Variants in ZFAND3 observed in about 807,000 individuals in gnomAD.
ZFAND3 encodes AN1-type zinc finger protein 3.
In ZFAND3, 10 loss-of-function variants were observed where a neutral mutation model predicts 29.6. The observed-to-expected ratio is 0.34, with a 90% CI of 0.21 to 0.57. ZFAND3 has a LOEUF of 0.57. ZFAND3 is among the 20% of genes least tolerant of loss of function. ZFAND3 has a pLI of 0.86. For missense variants in ZFAND3, 230 were observed against 304.5 expected (o/e 0.76, Z 1.82); for synonymous variants, 128 against 112.6 (o/e 1.14, Z -0.87).
intron 1 of ZFAND3, among the ~76,000 whole-genome samples, chr6:37,917,352 C>A (rs2127407458): frequency 6.6e-6 from 1 of 152,304 alleles, no homozygotes; most frequent in Non-Finnish European, 1.5e-5. Context: ...GCCCTTTCTT[C>A]CCAAGTCATT....
Position 37,822,032 on chromosome 6 carries a change from G to A in ZFAND3, c.71+2016G>A, listed in dbSNP as rs532540865. Among the ~76,000 whole-genome samples, 3 of 152,264 alleles carry A rather than the reference G, an allele frequency of 2.0e-5. No individual in the cohort carries two copies. The East Asian group carries it at 5.8e-4, about 29-fold the overall frequency. On this transcript the variant is annotated intron_variant, in intron 1 of 5. Transcript: ENST00000287218. ...TGTTTTTTAGGAGAGACGGGATTTT[G>A]CCATGTTGGCTAAGGTGGTCTCAAA...
chr6:38,152,044 A>C (rs13437101), intron 5 of ZFAND3, among the ~76,000 whole-genome samples, 191 bp from the exon 6 acceptor site: 7 of 152,112 alleles, frequency 4.6e-5, no homozygotes, highest in Non-Finnish European at 8.8e-5. Context: ...TGTGGAATGC[A>C]AAGTGCTGAC....
At chr6:37,930,971 A>G (rs1761583701) in intron 2 of ZFAND3, among the ~76,000 whole-genome samples, 1 of 152,132 alleles carries the variant, frequency 6.6e-6, no homozygotes, top group South Asian at 2.1e-4. Context: ...TTAAAGGGAG[A>G]ATGGCAGGGG....
At chr6:37,938,364 G>C (rs564067701) in intron 2 of ZFAND3, among the ~76,000 whole-genome samples, 1 of 152,264 alleles carries the variant, frequency 6.6e-6, no homozygotes, top group East Asian at 1.9e-4. Context: ...ACTATTGTAA[G>C]TGTACCAATT....
intron 1 of ZFAND3, among the ~76,000 whole-genome samples, chr6:37,884,428 A>G (rs1042739186): frequency 5.3e-5 from 7 of 131,324 alleles, no homozygotes; most frequent in Admixed American, 1.6e-4. Flanking sequence ...TGGGAGGCGG[A>G]GATTGCGGTG....
chr6:38,085,686 C>T (rs1228863130), intron 4 of ZFAND3, among the ~76,000 whole-genome samples: 2 of 152,086 alleles, frequency 1.3e-5, no homozygotes, highest in East Asian at 1.9e-4. Flanking sequence ...GCAGTCCTCT[C>T]GCCTTGACCT....
intron 1 of ZFAND3, among the ~76,000 whole-genome samples, chr6:37,922,145 C>T (rs1468027554): frequency 6.6e-6 from 1 of 151,856 alleles, no homozygotes; most frequent in Non-Finnish European, 1.5e-5. Flanking sequence ...GTAGAACTTA[C>T]CTGGAAGGTA....
chr6:38,044,303 GAGA>G (rs1321874536), intron 2 of ZFAND3, among the ~76,000 whole-genome samples: 1 of 152,130 alleles, frequency 6.6e-6, no homozygotes, highest in African/African-American at 2.4e-5. Flanking sequence ...CTAGTTAATG[GAGA>G]AGATTTATTT....
At chr6:38,136,194 G>C (rs755628878) in intron 5 of ZFAND3, among the ~76,000 whole-genome samples, 1 of 152,180 alleles carries the variant, frequency 6.6e-6, no homozygotes, top group Non-Finnish European at 1.5e-5. Context: ...TTTCTCTGTT[G>C]TTGCCTGTGG....
At chr6:37,982,083 AAAGG>A (rs1009523890) in intron 2 of ZFAND3, among the ~76,000 whole-genome samples, 1 of 152,172 alleles carries the variant, frequency 6.6e-6, no homozygotes, top group African/African-American at 2.4e-5. Flanking sequence ...ACAATAGGGC[AAAGG>A]AAGCAATCAG....
rs375776114 is a variant in ZFAND3, at chr6:38,037,454, G to A, written c.113-24139G>A. 1.2e-4 allele frequency among the ~76,000 whole-genome samples: 19 copies of A among 152,268 alleles called. No homozygotes were observed. In the South Asian group the frequency reaches 2.3e-3, roughly 18 times the overall value. ...TAACAAGCATTATAATCACCAATCC[G>A]TCACCATTTCAGAGGTAGATGCGTA... On this transcript the variant is annotated intron_variant, in intron 2 of 5. Transcript: ENST00000287218.
chr6:37,938,474 C>G (rs1192697904), intron 2 of ZFAND3, among the ~76,000 whole-genome samples: 1 of 152,106 alleles, frequency 6.6e-6, no homozygotes, highest in Non-Finnish European at 1.5e-5. Flanking sequence ...CATTTTTATA[C>G]CACAGTTGCA....
chr6:37,890,542 G>T (rs1765076760), intron 1 of ZFAND3, among the ~76,000 whole-genome samples: 1 of 152,188 alleles, frequency 6.6e-6, no homozygotes, highest in African/African-American at 2.4e-5. Context: ...TCATTGGGTT[G>T]TGTAGATAGA....
At chr6:37,847,551 C>T (rs1418679809) in intron 1 of ZFAND3, among the ~76,000 whole-genome samples, 2 of 151,998 alleles carry the variant, frequency 1.3e-5, no homozygotes, top group Admixed American at 6.6e-5. Flanking sequence ...TCCAGCTTGG[C>T]GACAGAGTGA....
rs531494333 is a variant in ZFAND3, at chr6:37,868,432, A to G, written c.71+48416A>G. On this transcript the variant is annotated intron_variant, in intron 1 of 5. Transcript: ENST00000287218. ...TGATAGAGGGAGGGAGGGGAGTGGT[A>G]TATCTTGGGCAGAGGACATGGCCAT... Among the ~76,000 whole-genome samples, 11 of 152,232 alleles carry G rather than the reference A, an allele frequency of 7.2e-5. No individual in the cohort carries two copies. The South Asian group carries it at 1.7e-3, about 23-fold the overall frequency.
chr6:38,117,256 C>CAT (rs1554182161), intron 5 of ZFAND3, among the ~76,000 whole-genome samples: 44 of 96,350 alleles, frequency 4.6e-4, no homozygotes, highest in African/African-American at 1.9e-3. Flanking sequence ...TTGAAATAGC[C>CAT]TTTTTTTTTT....
At chr6:37,826,887 C>G (rs1763769922) in intron 1 of ZFAND3, among the ~76,000 whole-genome samples, 1 of 152,190 alleles carries the variant, frequency 6.6e-6, no homozygotes, top group Non-Finnish European at 1.5e-5. Flanking sequence ...TTCTCAGTCA[C>G]AGTAGCTACT....
intron 2 of ZFAND3, among the ~76,000 whole-genome samples, chr6:37,988,752 C>T (rs181335977): frequency 6.6e-6 from 1 of 152,282 alleles, no homozygotes; most frequent in Non-Finnish European, 1.5e-5. Flanking sequence ...CTTAGCTCCT[C>T]CTTTCCTCCC....
intron 4 of ZFAND3, among the ~76,000 whole-genome samples, chr6:38,100,094 G>A (rs1439600106): frequency 6.6e-6 from 1 of 151,210 alleles, no homozygotes; most frequent in Non-Finnish European, 1.5e-5. Context: ...GTCTCACTCT[G>A]TCGCCAGTCA....
Sources: gnomAD v4.1 joint callset for allele counts (sites outside exome capture counted in the v4.1 genomes callset) on GRCh38, gnomAD v4.1.1 for gene constraint, MANE v1.5 for transcripts, NCBI Gene and HGNC (gene_info 2026-07-23, HGNC 2026-07-21) for gene names.